The following ERC2 variants were observed in gnomAD, a reference collection of about 807,000 sequenced individuals.
ERC2 encodes the protein ERC protein 2.
Under a neutral mutation model 114.8 loss-of-function variants are expected in ERC2, and 42 were observed. The observed-to-expected ratio is 0.37, with a 90% confidence interval of 0.29 to 0.47. The LOEUF (loss-of-function observed/expected upper bound fraction) is 0.47, where lower values mean the gene tolerates loss of function less well. Ranked by LOEUF, ERC2 falls within the 20% of genes least tolerant of loss-of-function variation. ERC2 has a pLI of 0.99. For synonymous variants in ERC2, 454 were observed against 425.5 expected (o/e 1.07, Z -0.82); for missense variants, 939 against 1,150.7 (o/e 0.82, Z 2.66).
intron 12 of ERC2, among the ~76,000 whole-genome samples, chr3:55,960,679 T>C (rs2068295063): frequency 6.6e-6 from 1 of 152,214 alleles, no homozygotes; most frequent in Non-Finnish European, 1.5e-5. Flanking sequence ...GTCCTACCCA[T>C]GTCCTCTCTG....
intron 12 of ERC2, among the ~76,000 whole-genome samples, chr3:55,969,259 T>A (rs1048018083): frequency 1.3e-5 from 2 of 152,112 alleles, no homozygotes; most frequent in Non-Finnish European, 2.9e-5. Flanking sequence ...CTGTCAAAAA[T>A]TTGAGAAAGG....
At chr3:55,798,711 T>C (rs528246884) in intron 14 of ERC2, among the ~76,000 whole-genome samples, 7 of 152,180 alleles carry the variant, frequency 4.6e-5, no homozygotes, top group East Asian at 3.9e-4. Context: ...TGGAATAACA[T>C]GTTACTGAGA....
chr3:56,435,104 AT>A lies in ERC2; in HGVS notation c.-98del. The A allele has an allele frequency of 2.2e-6, 2 of 915,224 alleles. No homozygotes were observed. Among genetic ancestry groups the A allele is most frequent in the Non-Finnish European group, 1.6e-6 (1 of 620,150 alleles). 56.7% of individuals were successfully genotyped at this position (915,224 alleles called of 1,614,324 possible). A position where few individuals can be genotyped will look rare whatever the true frequency, so the allele number is the denominator to read the frequency against. On this transcript the variant is annotated 5_prime_UTR_variant, in exon 2 of 18. It adds an upstream start codon to the 5' untranslated region. Coordinates refer to ENST00000288221, the MANE Select transcript of ERC2 (RefSeq NM_015576.3). ...CACGATTGTCCAGAATTTTCACCGC[AT>A]TCTTTTCACAGTCCGTACCAGAAAA...
chr3:55,924,521 G>C (rs1265545459), intron 13 of ERC2, among the ~76,000 whole-genome samples: 1 of 151,990 alleles, frequency 6.6e-6, no homozygotes, highest in Non-Finnish European at 1.5e-5. Flanking sequence ...GATTTTTAAA[G>C]CCATTTCTAG....
At chr3:55,938,050 C>T (rs2066560360) in intron 13 of ERC2, among the ~76,000 whole-genome samples, 1 of 152,162 alleles carries the variant, frequency 6.6e-6, no homozygotes, top group Non-Finnish European at 1.5e-5. Context: ...TACCAAAAAG[C>T]CCTACGCCCA....
chr3:55,883,815 G>C (rs950646381), intron 14 of ERC2, among the ~76,000 whole-genome samples: 2 of 152,056 alleles, frequency 1.3e-5, no homozygotes, highest in Non-Finnish European at 2.9e-5. Flanking sequence ...GTGAACCCAG[G>C]AGGCAGAGCT....
intron 12 of ERC2, among the ~76,000 whole-genome samples, chr3:55,975,982 T>C (rs947287221): frequency 6.6e-6 from 1 of 152,238 alleles, no homozygotes; most frequent in Non-Finnish European, 1.5e-5. Context: ...ATATAGAATT[T>C]GTCACCCTGC....
chr3:55,805,973 T>C (rs1435437465), intron 14 of ERC2, among the ~76,000 whole-genome samples: 1 of 152,112 alleles, frequency 6.6e-6, no homozygotes, highest in Non-Finnish European at 1.5e-5. Flanking sequence ...AAAGTTCATA[T>C]GAAGCATTAC....
chr3:56,266,075 T>C (rs1486520590), intron 3 of ERC2, among the ~76,000 whole-genome samples: 2 of 144,530 alleles, frequency 1.4e-5, no homozygotes, highest in African/African-American at 5.1e-5. Context: ...TAAAATAAAA[T>C]AAAATAAAAT....
intron 14 of ERC2, among the ~76,000 whole-genome samples, chr3:55,774,764 G>A (rs1165382841): frequency 1.3e-5 from 2 of 152,174 alleles, no homozygotes; most frequent in African/African-American, 4.8e-5. Context: ...TGCCTTTCCA[G>A]TCAATTTCCT....
chr3:56,348,986 AAGAAAGAAAG>A (rs2058446674), intron 2 of ERC2, among the ~76,000 whole-genome samples: 1 of 149,922 alleles, frequency 6.7e-6, no homozygotes, highest in Non-Finnish European at 1.5e-5. Context: ...GAAAGAAGGA[AAGAAAGAAAG>A]AAAGAATTTA....
chr3:56,337,636 A>AG (rs1576487546), intron 2 of ERC2, among the ~76,000 whole-genome samples: 1 of 152,242 alleles, frequency 6.6e-6, no homozygotes. Flanking sequence ...GATGAGGTAC[A>AG]GAAAAAAAAA....
chr3:55,977,704 G>A (rs899180262), intron 12 of ERC2, among the ~76,000 whole-genome samples: 3 of 152,182 alleles, frequency 2.0e-5, no homozygotes, highest in African/African-American at 7.2e-5. Flanking sequence ...TAGTACCCTA[G>A]CAATTCCACA....
chr3:56,001,443 G>A (rs2072049510), intron 10 of ERC2, among the ~76,000 whole-genome samples: 2 of 151,992 alleles, frequency 1.3e-5, no homozygotes, highest in South Asian at 4.2e-4. Context: ...ACCAAGACAG[G>A]GGGAGTTAAA....
At chr3:55,900,035 C>T (rs549097179) in intron 13 of ERC2, among the ~76,000 whole-genome samples, 164 of 152,224 alleles carry the variant, frequency 1.1e-3, no homozygotes, top group African/African-American at 3.6e-3. Flanking sequence ...CTAACTTTAG[C>T]CAAAATGACC....
intron 2 of ERC2, among the ~76,000 whole-genome samples, chr3:56,355,319 T>C (rs1186318350): frequency 6.2e-5 from 9 of 144,826 alleles, no homozygotes; most frequent in Admixed American, 5.0e-4. Context: ...CTTTTTCTTT[T>C]TTCTTTCTTT....
intron 3 of ERC2, among the ~76,000 whole-genome samples, chr3:56,198,978 C>T (rs2048262668): frequency 6.6e-6 from 1 of 152,076 alleles, no homozygotes. Context: ...CCTAGGTGAC[C>T]CTGGATTATG....
At chr3:55,788,400 C>T (rs1483054478) in intron 14 of ERC2, among the ~76,000 whole-genome samples, 1 of 152,156 alleles carries the variant, frequency 6.6e-6, no homozygotes, top group Non-Finnish European at 1.5e-5. Flanking sequence ...CCTGTCTCTC[C>T]CCAAGAGAAT....
chr3:56,299,107 T>TG (rs1457699488), intron 2 of ERC2, among the ~76,000 whole-genome samples: 2 of 129,878 alleles, frequency 1.5e-5, no homozygotes, highest in Non-Finnish European at 3.3e-5. Context: ...TTTTTTTTTG[T>TG]TTTTTTTTTT....
Sources: allele counts gnomAD v4.1 joint callset (sites outside exome capture counted in the v4.1 genomes callset), GRCh38; gene constraint gnomAD v4.1.1; transcripts MANE v1.5; gene names NCBI Gene and HGNC (gene_info 2026-07-23, HGNC 2026-07-21).